Variants in AJAP1 observed in about 807,000 individuals in gnomAD.
The protein encoded by AJAP1 is adherens junction-associated protein 1.
Under a neutral mutation model 35.0 loss-of-function variants are expected in AJAP1, and 5 were observed. The ratio of observed to expected loss-of-function variants is 0.14; its 90% CI spans 0.07 to 0.30. AJAP1 has a LOEUF of 0.30. Among genes scored for constraint, AJAP1 ranks in the 10% least tolerant of loss-of-function variants. The pLI is 1.00. For missense variants in AJAP1, 586 were observed against 571.0 expected (o/e 1.03, Z -0.27); for synonymous variants, 284 against 249.3 (o/e 1.14, Z -1.31).
rs368750297 is a variant in AJAP1 at position 4,747,531 on chromosome 1, T to C, written c.830-22322T>C. Among the ~76,000 whole-genome samples, 75 of 152,340 alleles carry C rather than the reference T, an allele frequency of 4.9e-4. 2 individuals are homozygous for C. Among genetic ancestry groups the C allele is most frequent in the African/African-American group, 1.7e-3 (72 of 41,580 alleles). On this transcript the variant is annotated intron_variant, in intron 2 of 5. Transcript: ENST00000378191. ...TGCCGCCCCCTTCCCTCCTAGGCAC[T>C]GAACCATCCTCCCACTTGTCCCTCT...
chr1:4,688,968 C>T (rs886330292), intron 1 of AJAP1, among the ~76,000 whole-genome samples: 6 of 152,046 alleles, frequency 3.9e-5, no homozygotes, highest in African/African-American at 1.4e-4. Context: ...TCACTCACAG[C>T]GGGTGCCCCT....
chr1:4,762,828 G>A (rs985372372), intron 2 of AJAP1, among the ~76,000 whole-genome samples: 4 of 152,136 alleles, frequency 2.6e-5, no homozygotes, highest in Non-Finnish European at 5.9e-5. Flanking sequence ...CCCACTTCAT[G>A]GTGCTGTAGT....
chr1:4,772,994 G>A (rs565248474), intron 4 of AJAP1, among the ~76,000 whole-genome samples: 7 of 152,252 alleles, frequency 4.6e-5, no homozygotes, highest in East Asian at 1.9e-4. Flanking sequence ...CCGGAAGTAC[G>A]TTACTAAATG....
intron 2 of AJAP1, among the ~76,000 whole-genome samples, chr1:4,763,561 T>A (rs187293039): frequency 1.3e-5 from 2 of 152,230 alleles, no homozygotes; most frequent in African/African-American, 4.8e-5. Flanking sequence ...GGGGTGTCTG[T>A]GAAGGTGTTT....
At chr1:4,702,018 C>T (rs1288111452) in intron 1 of AJAP1, among the ~76,000 whole-genome samples, 1 of 152,184 alleles carries the variant, frequency 6.6e-6, no homozygotes, top group African/African-American at 2.4e-5. Context: ...TGATTTTGCC[C>T]TAGTTTTCTA....
At chr1:4,754,771 A>C (rs1273721321) in intron 2 of AJAP1, among the ~76,000 whole-genome samples, 1 of 152,224 alleles carries the variant, frequency 6.6e-6, no homozygotes, top group African/African-American at 2.4e-5. Context: ...CAAAGCAAGG[A>C]GTGGCCGTTT....
intron 2 of AJAP1, among the ~76,000 whole-genome samples, chr1:4,755,824 G>C (rs995660126): frequency 9.2e-5 from 14 of 151,986 alleles, no homozygotes; most frequent in Admixed American, 5.2e-4. Context: ...GGGTGGTGGG[G>C]GGATTAAAAA....
intron 2 of AJAP1, among the ~76,000 whole-genome samples, chr1:4,767,953 T>C (rs1641726177): frequency 6.6e-6 from 1 of 152,202 alleles, no homozygotes; most frequent in Admixed American, 6.5e-5. Context: ...CTCAGGAAAC[T>C]TGGCACATAG....
rs538013119 is a variant in AJAP1, at chr1:4,767,896, G to C, written c.830-1957G>C. Among the ~76,000 whole-genome samples, 45 of 152,318 alleles carry C rather than the reference G, an allele frequency of 3.0e-4. 1 individual carries two copies. The South Asian group carries it at 9.3e-3, about 32-fold the overall frequency. Reference sequence around the variant, plus strand: ...AACAGGCAACCCACCCTCCACAGCTGTCCATCCTTTTCAATCCTTCCTCTG... The same window carrying C: ...AACAGGCAACCCACCCTCCACAGCTCTCCATCCTTTTCAATCCTTCCTCTG... On this transcript the variant is annotated intron_variant, in intron 2 of 5. Transcript: ENST00000378191.
chr1:4,703,551 T>C (rs1029186319), intron 1 of AJAP1, among the ~76,000 whole-genome samples: 3 of 152,160 alleles, frequency 2.0e-5, no homozygotes, highest in Non-Finnish European at 4.4e-5. Flanking sequence ...AGTTTAGGGA[T>C]AACGAGGCCA....
chr1:4,678,245 C>T (rs1639403328), intron 1 of AJAP1, among the ~76,000 whole-genome samples: 1 of 152,214 alleles, frequency 6.6e-6, no homozygotes, highest in Admixed American at 6.5e-5. Flanking sequence ...GAAATGAGCA[C>T]TTGAAATTGT....
chr1:4,772,457 G>C lies in AJAP1; in HGVS notation c.1095G>C (p.Val365=). 6.2e-7 allele frequency: 1 copy of C among 1,614,242 alleles called. No homozygotes were observed. The highest frequency in any genetic ancestry group is 8.5e-7 in the Non-Finnish European group (1 of 1,180,052). The part of the protein sequence containing the change: ...QCSHECVRAS[V]PVYTDETLHS... ...CTCACGAGTGCGTCAGGGCATCTGT[G>C]CCCGTGTACACCGATGAGACGCTGC... The change falls in exon 4 of 6, where the codon GTG becomes GTC. Residue 365 remains valine (V), a synonymous_variant. Coordinates refer to ENST00000378191, the MANE Select transcript of AJAP1 (RefSeq NM_018836.4).
intron 1 of AJAP1, among the ~76,000 whole-genome samples, chr1:4,659,799 G>C (rs1272997596): frequency 1.3e-5 from 2 of 152,196 alleles, no homozygotes; most frequent in Non-Finnish European, 2.9e-5. Context: ...CTAAAACAGG[G>C]ACAGGATGGA....
At chr1:4,772,642 C>T in intron 4 of AJAP1, 117 bp downstream of exon 4, 1 of 1,433,722 alleles carries the variant, frequency 7.0e-7, no homozygotes. Context: ...CCTGAGGTCG[C>T]TTTGAGGGGC....
At chr1:4,752,542 A>T (rs1295058459) in intron 2 of AJAP1, among the ~76,000 whole-genome samples, 10 of 152,260 alleles carry the variant, frequency 6.6e-5, no homozygotes, top group Non-Finnish European at 8.8e-5. Context: ...AAATAGTAGT[A>T]TCATATTATG....
intron 1 of AJAP1, among the ~76,000 whole-genome samples, chr1:4,662,802 C>A (rs970385883): frequency 6.6e-6 from 1 of 152,216 alleles, no homozygotes; most frequent in African/African-American, 2.4e-5. Context: ...TATTGAGTGT[C>A]GAGTGCATTC....
intron 1 of AJAP1, among the ~76,000 whole-genome samples, chr1:4,662,940 G>A (rs1352217573): frequency 2.6e-5 from 4 of 152,222 alleles, no homozygotes; most frequent in Admixed American, 2.6e-4. Context: ...GAGGGGAGAG[G>A]GTCAGTGGTC....
intron 2 of AJAP1, among the ~76,000 whole-genome samples, chr1:4,744,924 T>C (rs1641156241): frequency 2.0e-5 from 3 of 151,986 alleles, no homozygotes; most frequent in Admixed American, 2.0e-4. Flanking sequence ...GCAGACCTAA[T>C]AGGGCCCGGA....
chr1:4,690,439 G>A (rs1038096184), intron 1 of AJAP1, among the ~76,000 whole-genome samples: 4 of 152,184 alleles, frequency 2.6e-5, no homozygotes, highest in Non-Finnish European at 5.9e-5. Context: ...CCCTCTCTTC[G>A]TCATGGAGCC....
Sources: allele counts gnomAD v4.1 joint callset (sites outside exome capture counted in the v4.1 genomes callset), GRCh38; gene constraint gnomAD v4.1.1; transcripts MANE v1.5; gene names NCBI Gene and HGNC (gene_info 2026-07-23, HGNC 2026-07-21).